Variants in CACNA2D4 observed in about 807,000 individuals in gnomAD.
CACNA2D4 encodes voltage-dependent calcium channel subunit alpha-2/delta-4.
A neutral mutation model predicts 163.8 loss-of-function variants in CACNA2D4; 157 were observed. The ratio of observed to expected loss-of-function variants is 0.96; its 90% CI spans 0.84 to 1.09. The LOEUF is 1.09. Ranked by LOEUF, CACNA2D4 falls within the 50% of genes least tolerant of loss-of-function variation. The pLI is 0.00. For synonymous variants in CACNA2D4, 598 were observed against 586.9 expected (o/e 1.02, Z -0.27); for missense variants, 1,410 against 1,479.9 (o/e 0.95, Z 0.78).
chr12:1,894,532 T>G (rs1866357644), intron 6 of CACNA2D4, among the ~76,000 whole-genome samples: 1 of 152,144 alleles, frequency 6.6e-6, no homozygotes, highest in African/African-American at 2.4e-5. Flanking sequence ...ATCAAAAATA[T>G]AATATGCCAT....
At chr12:1,913,780 T>C (rs1224653897) in intron 2 of CACNA2D4, among the ~76,000 whole-genome samples, 1 of 152,246 alleles carries the variant, frequency 6.6e-6, no homozygotes, top group Non-Finnish European at 1.5e-5. Flanking sequence ...TGAATGTCTA[T>C]TCACCCAGCT....
rs117422985 is a variant in CACNA2D4 at position 1,859,578 on chromosome 12, A to G, written c.1940+567T>C. Among the ~76,000 whole-genome samples, 50 of 152,338 alleles carry G rather than the reference A, an allele frequency of 3.3e-4. 2 individuals carry two copies. The East Asian group carries it at 9.6e-3, about 29-fold the overall frequency. On this transcript the variant is annotated intron_variant, in intron 19 of 37. Coordinates refer to ENST00000382722, the MANE Select transcript of CACNA2D4 (RefSeq NM_172364.5). ...TCCAATTTGCTCTTCTCACTGCTTT[A>G]GGATCTTAACTGGATGATATCACTT...
At chr12:1,909,334 A>G (rs551282625) in intron 4 of CACNA2D4, among the ~76,000 whole-genome samples, 69 of 152,178 alleles carry the variant, frequency 4.5e-4, no homozygotes, top group Middle Eastern at 6.8e-3. Context: ...TGGGACTACA[A>G]GCGCCTGCCA....
chr12:1,831,367 G>A (rs767229402), intron 26 of CACNA2D4: 25 of 1,613,720 alleles, frequency 1.5e-5, no homozygotes, highest in Non-Finnish European at 1.9e-5. Flanking sequence ...CTGGCTCTGC[G>A]CTCCCTCTCG....
In CACNA2D4 at chr12:1,834,920, G is replaced by A. The variant is rs7954520; in HGVS notation, c.2551+5819C>T. 13,784 of 972,180 alleles carry A rather than the reference G, an allele frequency of 0.014. 844 individuals are homozygous for A. In the African/African-American group the frequency reaches 0.16, roughly 11 times the overall value. The allele number at this position is 972,180 out of a possible 1,614,324, so 60.2% of individuals were successfully genotyped here. On this transcript the variant is annotated intron_variant, in intron 26 of 37. Transcript: ENST00000382722. The surrounding 1 kb of genome is among the most constrained non-coding windows in gnomAD (Gnocchi z 7.6). ...GAAAGCCACCGTGCTGGGGGCTCCT[G>A]CTGATGCTCCTGTCTGGGCCAGTAA...
At chr12:1,913,274 G>A (rs1160146791) in intron 2 of CACNA2D4, 135 bp from the exon 3 acceptor site, 2 of 678,446 alleles carry the variant, frequency 2.9e-6, no homozygotes, top group Non-Finnish European at 5.4e-6. Flanking sequence ...CTAGGGTGAG[G>A]CCCAGCCCTC....
At chr12:1,841,793 C>T (rs1865030241) in intron 25 of CACNA2D4, among the ~76,000 whole-genome samples, 1 of 152,224 alleles carries the variant, frequency 6.6e-6, no homozygotes, top group South Asian at 2.1e-4. Flanking sequence ...GACTTAACCA[C>T]CAGCTTCTCA....
chr12:1,850,959 T>G (rs976610625), intron 23 of CACNA2D4, among the ~76,000 whole-genome samples: 2 of 152,114 alleles, frequency 1.3e-5, no homozygotes, highest in Non-Finnish European at 2.9e-5. Context: ...CATGCCTCAT[T>G]GCAGCCTCCA....
At chr12:1,889,867 A>G (rs997120329) in intron 6 of CACNA2D4, among the ~76,000 whole-genome samples, 4 of 152,228 alleles carry the variant, frequency 2.6e-5, no homozygotes, top group African/African-American at 9.6e-5. Context: ...GGCTGACTAG[A>G]GGCATCTGGT....
chr12:1,834,228 G>C lies in CACNA2D4; in HGVS notation c.2551+6511C>G. The C allele has an allele frequency of 2.6e-6, 4 of 1,519,252 alleles. No homozygotes were observed. Among genetic ancestry groups the C allele is most frequent in the Non-Finnish European group, 3.5e-6 (4 of 1,133,658 alleles). The allele number at this position is 1,519,252 out of a possible 1,614,324, so 94.1% of individuals were successfully genotyped here. A position where few individuals can be genotyped will look rare whatever the true frequency, so the allele number is the denominator to read the frequency against. ...ATGGGGAGAGGGAGTGCAAGTTCTA[G>C]ATGCCTGGTCAGCCCCTCTTTTTCT... On this transcript the variant is annotated intron_variant, in intron 26 of 37. Coordinates refer to ENST00000382722, the MANE Select transcript of CACNA2D4 (RefSeq NM_172364.5). This position sits in a 1 kb window ranked among gnomAD's most constrained non-coding sequence, Gnocchi z 7.6.
At chr12:1,810,211 T>C in intron 29 of CACNA2D4, 67 bp downstream of exon 29, 2 of 1,341,848 alleles carry the variant, frequency 1.5e-6, no homozygotes, top group Non-Finnish European at 2.1e-6. Flanking sequence ...TTAGCTGGAG[T>C]GGCTGCCCAA....
rs1358574693 is a variant in CACNA2D4 at position 1,828,031 on chromosome 12, G to A, written c.2551+12708C>T. On this transcript the variant is annotated intron_variant, in intron 26 of 37. Transcript: ENST00000382722. This position sits in a 1 kb window ranked among gnomAD's most constrained non-coding sequence, Gnocchi z 4.2. ...CTCTCCCTAACCCCTGGGCTGGAAC[G>A]GGGCTCCCGCGCCTGCCTGTGCTCA... 26 of 911,720 alleles carry A rather than the reference G, an allele frequency of 2.9e-5. No individual in the cohort carries two copies. Among genetic ancestry groups the A allele is most frequent in the South Asian group, 2.8e-4 (13 of 47,066 alleles). The allele number at this position is 911,720 out of a possible 1,614,324, so 56.5% of individuals were successfully genotyped here.
rs371435516 is a variant in CACNA2D4, at chr12:1,795,280, G to C, written c.3309+19C>G. ...GGGGATGAAAATCCAGCCCACCCTC[G>C]ATCCGCCTCAACCCGCACCTCTGGA... On this transcript the variant is annotated intron_variant, in intron 37 of 37. Coordinates refer to ENST00000382722, the MANE Select transcript of CACNA2D4 (RefSeq NM_172364.5). 3.0e-5 allele frequency: 48 copies of C among 1,611,212 alleles called. No individual in the cohort carries two copies. The highest frequency in any genetic ancestry group is 2.0e-4 in the African/African-American group (15 of 74,982).
rs760361168 is a variant in CACNA2D4, at chr12:1,834,316, G to A, written c.2551+6423C>T. On this transcript the variant is annotated intron_variant, in intron 26 of 37. Transcript: ENST00000382722. The surrounding 1 kb of genome is among the most constrained non-coding windows in gnomAD (Gnocchi z 7.6). ...GCACCCTGCCCAAGGAGCTGAGGGG[G>A]AAGGACATGCGGATGGTCCCCATGG... is the stretch of plus-strand genomic sequence containing the variant. The A allele has an allele frequency of 6.2e-7, 1 of 1,608,720 alleles. No individual in the cohort carries two copies. The highest frequency in any genetic ancestry group is 1.7e-5 in the Admixed American group (1 of 59,772).
chr12:1,890,227 A>G (rs1866246288), intron 6 of CACNA2D4, among the ~76,000 whole-genome samples: 1 of 152,174 alleles, frequency 6.6e-6, no homozygotes, highest in Admixed American at 6.5e-5. Flanking sequence ...GGGAGCTCAC[A>G]CTGGATCTCA....
At chr12:1,910,295 G>A (rs1866781885) in intron 3 of CACNA2D4, among the ~76,000 whole-genome samples, 1 of 152,248 alleles carries the variant, frequency 6.6e-6, no homozygotes, top group Non-Finnish European at 1.5e-5. Context: ...GGATTTTTAG[G>A]GCAGTGAAAT....
rs1361702246 is a variant in CACNA2D4, at chr12:1,909,958, A to G, written c.434T>C (p.Val145Ala). 1.9e-6 allele frequency: 3 copies of G among 1,613,510 alleles called. No homozygotes were observed. The highest frequency in any genetic ancestry group is 1.7e-5 in the Admixed American group (1 of 59,994). Residue 145 changes from valine (V) to alanine (A), a missense_variant, in exon 4 of 38, where the codon GTG becomes GCG. Transcript: ENST00000382722. ...CAGGTCGGCCTCCTCGGCAGCTTCC[A>G]CCAGATTCTGAGGGATGGGAACACA... ...RRKVEAVQNL[V>A]EAAEEADLNH...
At chr12:1,823,869 T>C (rs900411270) in intron 26 of CACNA2D4, among the ~76,000 whole-genome samples, 1 of 152,222 alleles carries the variant, frequency 6.6e-6, no homozygotes, top group Admixed American at 6.5e-5. Flanking sequence ...AAAGGCGGCA[T>C]CTTCCTTTCC....
In CACNA2D4 at chr12:1,829,323, A is replaced by C. The variant is rs1864512504; in HGVS notation, c.2551+11416T>G. 1.3e-5 allele frequency among the ~76,000 whole-genome samples: 2 copies of C among 152,136 alleles called. No individual in the cohort carries two copies. The highest frequency in any genetic ancestry group is 4.8e-5 in the African/African-American group (2 of 41,432). On this transcript the variant is annotated intron_variant, in intron 26 of 37. Coordinates refer to ENST00000382722, the MANE Select transcript of CACNA2D4 (RefSeq NM_172364.5). This position sits in a 1 kb window ranked among gnomAD's most constrained non-coding sequence, Gnocchi z 4.2. ...TCCTGGGGAAAGTCAAGTCTGAAGAATGCTGATTTTCAAATGGCTTGGGGT... is the reference window on the plus strand; with the variant it reads ...TCCTGGGGAAAGTCAAGTCTGAAGACTGCTGATTTTCAAATGGCTTGGGGT...
Sources: gnomAD v4.1 joint callset for allele counts (sites outside exome capture counted in the v4.1 genomes callset) on GRCh38, gnomAD v4.1.1 for gene constraint, Gnocchi (gnomAD v3.1) non-coding constraint, MANE v1.5 for transcripts, NCBI Gene and HGNC (gene_info 2026-07-23, HGNC 2026-07-21) for gene names.